The following SLCO3A1 variants were observed in gnomAD, a reference collection of about 807,000 sequenced individuals.
SLCO3A1 encodes the protein solute carrier organic anion transporter family member 3A1, also known as PGE1 transporter.
SLCO3A1 carries 27 observed loss-of-function variants against 63.1 expected under a neutral mutation model. That is an observed-to-expected ratio of 0.43 (90% CI 0.32 to 0.59). SLCO3A1 has a LOEUF of 0.59. Among genes scored for constraint, SLCO3A1 ranks in the 20% least tolerant of loss-of-function variants. The pLI is 0.09. For missense variants in SLCO3A1, 773 were observed against 945.8 expected (o/e 0.82, Z 2.40); for synonymous variants, 473 against 409.9 (o/e 1.15, Z -1.86).
At chr15:91,899,642 T>A (rs1803188072) in intron 1 of SLCO3A1, among the ~76,000 whole-genome samples, 1 of 152,172 alleles carries the variant, frequency 6.6e-6, no homozygotes, top group African/African-American at 2.4e-5. Flanking sequence ...ATAAAATCCG[T>A]CCATGCTAAG....
chr15:91,934,822 C>T (rs1597135222), intron 2 of SLCO3A1, among the ~76,000 whole-genome samples: 2 of 152,140 alleles, frequency 1.3e-5, no homozygotes, highest in South Asian at 2.1e-4. Context: ...TTTTTGTTGC[C>T]AGTGAGTTGT....
intron 6 of SLCO3A1, among the ~76,000 whole-genome samples, chr15:92,127,349 A>T (rs1241233448): frequency 1.6e-5 from 2 of 126,160 alleles, no homozygotes; most frequent in African/African-American, 5.5e-5. Flanking sequence ...CATGAAAAAG[A>T]AAAGAAAAGT....
At chr15:92,018,744 G>A (rs887690735) in intron 2 of SLCO3A1, among the ~76,000 whole-genome samples, 3 of 152,082 alleles carry the variant, frequency 2.0e-5, no homozygotes, top group Non-Finnish European at 2.9e-5. Flanking sequence ...GGCATCAGAG[G>A]GGATCACGGG....
rs73534399 is a variant in SLCO3A1 at position 92,026,072 on chromosome 15, G to T, written c.647-68809G>T. On this transcript the variant is annotated intron_variant, in intron 2 of 9. Coordinates refer to ENST00000318445, the MANE Select transcript of SLCO3A1 (RefSeq NM_013272.4). Reference sequence around the variant, plus strand: ...GCTCTGTGTGCAGCAGGGAGGCTTTGGTGCAGTTCTTTACCCTGCACGTGT... The same window carrying T: ...GCTCTGTGTGCAGCAGGGAGGCTTTTGTGCAGTTCTTTACCCTGCACGTGT... Among the ~76,000 whole-genome samples the T allele has an allele frequency of 8.9e-3, 1,358 of 152,256 alleles. 19 individuals carry two copies. The highest frequency in any genetic ancestry group is 0.03 in the African/African-American group (1,265 of 41,548).
At chr15:91,920,220 G>A (rs1898797661) in intron 2 of SLCO3A1, among the ~76,000 whole-genome samples, 2 of 152,200 alleles carry the variant, frequency 1.3e-5, no homozygotes, top group African/African-American at 2.4e-5. Context: ...GGGTCTGAAA[G>A]TGATGCTTAT....
chr15:92,077,523 A>G (rs1355182172), intron 2 of SLCO3A1, among the ~76,000 whole-genome samples: 1 of 152,182 alleles, frequency 6.6e-6, no homozygotes, highest in Non-Finnish European at 1.5e-5. Flanking sequence ...ATTCCCTGGC[A>G]TGAGAAAGCG....
intron 4 of SLCO3A1, among the ~76,000 whole-genome samples, chr15:92,119,833 C>A (rs2047841013): frequency 6.6e-6 from 1 of 152,144 alleles, no homozygotes; most frequent in African/African-American, 2.4e-5. Flanking sequence ...AAAACCAAGA[C>A]CCCAGTTGGG....
In SLCO3A1 at chr15:91,968,582, A is replaced by T. The variant is rs772690681; in HGVS notation, c.646+52124A>T. 2.0e-5 allele frequency among the ~76,000 whole-genome samples: 3 copies of T among 152,296 alleles called. No homozygotes were observed. Among genetic ancestry groups the T allele is most frequent in the Non-Finnish European group, 4.4e-5 (3 of 68,024 alleles). On this transcript the variant is annotated intron_variant, in intron 2 of 9. Transcript: ENST00000318445. The surrounding 1 kb of genome is among the most constrained non-coding windows in gnomAD (Gnocchi z 4.2). ...TTCTGGTGCTAACAAAGGAAGTTCCATCACAGACAAGGAGTGAGAAGAAGC... is the reference window on the plus strand; with the variant it reads ...TTCTGGTGCTAACAAAGGAAGTTCCTTCACAGACAAGGAGTGAGAAGAAGC...
rs4932582 is a variant in SLCO3A1 at position 91,883,297 on chromosome 15, C to T, written c.180+29209C>T. ...GAGAGTGAAGAGAGAAACTTGGCACCGGGACCCTAGAATCCCCTCTTTCTG... is the reference window on the plus strand; with the variant it reads ...GAGAGTGAAGAGAGAAACTTGGCACTGGGACCCTAGAATCCCCTCTTTCTG... On this transcript the variant is annotated intron_variant, in intron 1 of 9. Coordinates refer to ENST00000318445, the MANE Select transcript of SLCO3A1 (RefSeq NM_013272.4). This position sits in a 1 kb window ranked among gnomAD's most constrained non-coding sequence, Gnocchi z 4.8. Among the ~76,000 whole-genome samples, 22,446 of 152,074 alleles carry T rather than the reference C, an allele frequency of 0.15. 1,850 individuals carry two copies. The highest frequency in any genetic ancestry group is 0.33 in the East Asian group (1,727 of 5,156).
chr15:91,931,308 A>G (rs959710801), intron 2 of SLCO3A1, among the ~76,000 whole-genome samples: 3 of 152,184 alleles, frequency 2.0e-5, no homozygotes, highest in Admixed American at 6.5e-5. Context: ...AAGGAAGGTG[A>G]TGTCTCCGAA....
In SLCO3A1 at chr15:91,971,394, C is replaced by CAAA. The variant is rs796386299; in HGVS notation, c.646+54950_646+54952dup. On this transcript the variant is annotated intron_variant, in intron 2 of 9. Transcript: ENST00000318445. ...TGGGTGACAGAGCGAGACTCCATCT[C>CAAA]AAAAAAAAAAAAAAAAGCAACCTCT... Among the ~76,000 whole-genome samples the CAAA allele has an allele frequency of 5.1e-3, 200 of 39,362 alleles. 28 individuals are homozygous for CAAA. Among genetic ancestry groups the CAAA allele is most frequent in the African/African-American group, 0.011 (130 of 11,808 alleles). 25.8% of individuals were successfully genotyped at this position (39,362 alleles called of 152,430 possible). A position where few individuals can be genotyped will look rare whatever the true frequency, so the allele number is the denominator to read the frequency against.
At chr15:92,052,630 A>G (rs907832252) in intron 2 of SLCO3A1, among the ~76,000 whole-genome samples, 8 of 152,130 alleles carry the variant, frequency 5.3e-5, no homozygotes, top group African/African-American at 1.9e-4. Flanking sequence ...GCATTCCCTT[A>G]TATGCAGCCT....
At chr15:92,001,858 C>T (rs1291648175) in intron 2 of SLCO3A1, among the ~76,000 whole-genome samples, 48 of 98,276 alleles carry the variant, frequency 4.9e-4, no homozygotes, top group African/African-American at 1.8e-3. Context: ...TTTTTTGAGA[C>T]GGAGTCTCGC....
intron 2 of SLCO3A1, among the ~76,000 whole-genome samples, chr15:92,038,557 A>T (rs1015069917): frequency 3.3e-5 from 5 of 152,152 alleles, no homozygotes; most frequent in East Asian, 1.9e-4. Flanking sequence ...GATGTGAAGG[A>T]CCTCTTCAAG....
intron 4 of SLCO3A1, among the ~76,000 whole-genome samples, chr15:92,115,701 C>A (rs2047786043): frequency 6.6e-6 from 1 of 151,238 alleles, no homozygotes; most frequent in African/African-American, 2.4e-5. Context: ...TTATTTTATA[C>A]AACCTCATTC....
intron 2 of SLCO3A1, among the ~76,000 whole-genome samples, chr15:92,065,429 A>C (rs12917096): frequency 0.66 from 99,980 of 152,020 alleles, 33,419 homozygotes; most frequent in Admixed American, 0.8. Flanking sequence ...TGCTTGTATC[A>C]GAATATCACA....
At chr15:91,869,048 G>C (rs1458964044) in intron 1 of SLCO3A1, among the ~76,000 whole-genome samples, 1 of 152,144 alleles carries the variant, frequency 6.6e-6, no homozygotes, top group Non-Finnish European at 1.5e-5. Context: ...GGTGGGGTTT[G>C]AGAAGTGACC....
intron 2 of SLCO3A1, among the ~76,000 whole-genome samples, chr15:92,060,179 G>A (rs1401684049): frequency 6.6e-6 from 1 of 152,128 alleles, no homozygotes; most frequent in African/African-American, 2.4e-5. Flanking sequence ...AGTGGTGAGT[G>A]AATGTGAATG....
chr15:92,033,141 A>C lies in SLCO3A1; in HGVS notation c.647-61740A>C, dbSNP rs184805243. Among the ~76,000 whole-genome samples, 1 of 152,220 alleles carries C rather than the reference A, an allele frequency of 6.6e-6. No homozygotes were observed. The highest frequency in any genetic ancestry group is 2.4e-5 in the African/African-American group (1 of 41,446). ...TTACCAAAGAATCTCACGTGTAAAA[A>C]AAACAAAAGAACTCCATGGATGGGG... is the stretch of plus-strand genomic sequence containing the variant. On this transcript the variant is annotated intron_variant, in intron 2 of 9. Transcript: ENST00000318445. This position sits in a 1 kb window ranked among gnomAD's most constrained non-coding sequence, Gnocchi z 4.5.
Sources: allele counts gnomAD v4.1 joint callset (sites outside exome capture counted in the v4.1 genomes callset), GRCh38; gene constraint gnomAD v4.1.1; non-coding constraint Gnocchi (gnomAD v3.1); transcripts MANE v1.5; gene names NCBI Gene and HGNC (gene_info 2026-07-23, HGNC 2026-07-21).